Variants in CCNJL observed in about 807,000 individuals in gnomAD.
CCNJL encodes cyclin J like, also known as cyclin-J-like protein.
Under a neutral mutation model 33.4 loss-of-function variants are expected in CCNJL, and 33 were observed. The ratio of observed to expected loss-of-function variants is 0.99; its 90% CI spans 0.75 to 1.32. CCNJL has a LOEUF of 1.32. CCNJL is among the 40% of genes most tolerant of loss of function. The pLI, the probability that CCNJL is intolerant of heterozygous loss-of-function variation, is 0.00. For missense variants in CCNJL, 512 were observed against 499.7 expected (o/e 1.02, Z -0.23); for synonymous variants, 227 against 220.9 (o/e 1.03, Z -0.24).
At position 160,251,573 on chromosome 5, in the gene CCNJL, C is replaced by G. The variant is rs531055050; in HGVS notation, c.*1805G>C. On this transcript the variant is annotated 3_prime_UTR_variant, in exon 6 of 6. Transcript: ENST00000257536. ...CTGCCCCCAATATTCCACCCTCTAC[C>G]ATAGGGAGATGCTCACCAGGGCTGA... 6.6e-6 allele frequency: 1 copy of G among 152,412 alleles called. No individual in the cohort carries two copies. The highest frequency in any genetic ancestry group is 1.5e-5 in the Non-Finnish European group (1 of 68,176). The allele number at this position is 152,412 out of a possible 1,614,324, so 9.4% of individuals were successfully genotyped here.
At chr5:160,273,696 T>C (rs1392012305) in intron 3 of CCNJL, among the ~76,000 whole-genome samples, 2 of 144,690 alleles carry the variant, frequency 1.4e-5, no homozygotes, top group Non-Finnish European at 3.0e-5. Context: ...ATCCAAGCTG[T>C]GGTACAGTGG....
chr5:160,285,880 T>C (rs1185852254), intron 2 of CCNJL, among the ~76,000 whole-genome samples: 1 of 152,252 alleles, frequency 6.6e-6, no homozygotes, highest in East Asian at 1.9e-4. Flanking sequence ...AGCTTCTTCC[T>C]AGGGTAAGGC....
chr5:160,299,672 G>C lies in CCNJL; in HGVS notation c.66+12186C>G, dbSNP rs190965248. Among the ~76,000 whole-genome samples the C allele has an allele frequency of 9.9e-5, 15 of 151,462 alleles. 1 individual carries two copies. The East Asian group carries it at 2.7e-3, about 27-fold the overall frequency. ...TTATGGGTAAAATGACACACTGTCT[G>C]GGGGAGCAGATGAAACAGGTGAGGA... On this transcript the variant is annotated intron_variant, in intron 2 of 5. Transcript: ENST00000257536.
intron 3 of CCNJL, among the ~76,000 whole-genome samples, chr5:160,264,145 G>A (rs1016319389): frequency 2.2e-4 from 33 of 152,070 alleles, no homozygotes; most frequent in African/African-American, 8.0e-4. Context: ...CAGGCTGGTC[G>A]AAATCCTGGG....
At chr5:160,337,005 T>TTC (rs1763691168) in intron 1 of CCNJL, among the ~76,000 whole-genome samples, 1 of 40,586 alleles carries the variant, frequency 2.5e-5, no homozygotes, top group South Asian at 8.5e-4. Context: ...TTTTCTTTCT[T>TTC]TTTTTTTTTT....
At chr5:160,295,592 T>C (rs1056408411) in intron 2 of CCNJL, among the ~76,000 whole-genome samples, 6 of 151,986 alleles carry the variant, frequency 3.9e-5, no homozygotes, top group African/African-American at 1.2e-4. Context: ...TGTGTTCTTA[T>C]AGGAAGAGTA....
intron 1 of CCNJL, among the ~76,000 whole-genome samples, chr5:160,333,933 G>A (rs1763643676): frequency 6.6e-6 from 1 of 152,034 alleles, no homozygotes; most frequent in South Asian, 2.1e-4. Flanking sequence ...TTGCTGTCTT[G>A]GTAGATGATT....
chr5:160,317,253 G>A (rs758364519), upstream of CCNJL, among the ~76,000 whole-genome samples: 7 of 152,178 alleles, frequency 4.6e-5, no homozygotes, highest in Admixed American at 3.9e-4. Flanking sequence ...TGAGAACAAG[G>A]CAGGAAGAAT....
At chr5:160,312,574 G>A (rs1249490462), upstream of CCNJL, 5 of 151,608 alleles carry the variant, frequency 3.3e-5, no homozygotes, top group South Asian at 8.3e-4. Flanking sequence ...CGGCCGCCGG[G>A]GGCCTCCCTC....
At chr5:160,274,097 G>A (rs1761930544) in intron 3 of CCNJL, among the ~76,000 whole-genome samples, 1 of 152,096 alleles carries the variant, frequency 6.6e-6, no homozygotes, top group South Asian at 2.1e-4. Context: ...CTGGGATTGG[G>A]AAAAGGATTT....
At chr5:160,278,141 A>G (rs1194445856) in intron 3 of CCNJL, among the ~76,000 whole-genome samples, 1 of 152,172 alleles carries the variant, frequency 6.6e-6, no homozygotes, top group Non-Finnish European at 1.5e-5. Flanking sequence ...TTCTGACCTC[A>G]GGTTATCCGA....
chr5:160,303,379 T>C (rs1762985276), intron 2 of CCNJL, among the ~76,000 whole-genome samples: 1 of 152,080 alleles, frequency 6.6e-6, no homozygotes. Context: ...CTAATTTTTG[T>C]AGTTTTAGTA....
chr5:160,290,668 T>C (rs746427667), intron 2 of CCNJL, among the ~76,000 whole-genome samples: 1 of 152,040 alleles, frequency 6.6e-6, no homozygotes, highest in Non-Finnish European at 1.5e-5. Flanking sequence ...GCTCTTACTG[T>C]CCTCCTGCCT....
At chr5:160,320,850 C>CTTTCCTTCTTTCTTTCT (rs1491096774) in intron 1 of CCNJL, among the ~76,000 whole-genome samples, 26 of 55,510 alleles carry the variant, frequency 4.7e-4, no homozygotes, top group Non-Finnish European at 8.7e-4. Flanking sequence ...TCTTTCTTTC[C>CTTTCCTTCTTTCTTTCT]TTCTTTCTTT....
chr5:160,339,240 A>G (rs1457753111), intron 1 of CCNJL, among the ~76,000 whole-genome samples: 1 of 133,738 alleles, frequency 7.5e-6, no homozygotes, highest in Non-Finnish European at 1.6e-5. Flanking sequence ...TACTTAAGAA[A>G]TGTGCATATA....
chr5:160,325,152 G>A (rs1763519676), intron 1 of CCNJL, among the ~76,000 whole-genome samples: 1 of 152,182 alleles, frequency 6.6e-6, no homozygotes, highest in African/African-American at 2.4e-5. Flanking sequence ...TAGTTCTTGA[G>A]CTAGAAATTG....
intron 2 of CCNJL, among the ~76,000 whole-genome samples, chr5:160,301,791 A>C (rs1762931084): frequency 6.8e-6 from 1 of 147,572 alleles, no homozygotes; most frequent in Non-Finnish European, 1.5e-5. Flanking sequence ...GTGCAGTGGC[A>C]TGATCTTGGG....
chr5:160,330,149 T>C (rs1763587887), intron 1 of CCNJL, among the ~76,000 whole-genome samples: 1 of 152,180 alleles, frequency 6.6e-6, no homozygotes, highest in Admixed American at 6.5e-5. Context: ...TCCTGAAACC[T>C]GCCACTCTGT....
chr5:160,264,788 T>C (rs1020224103), intron 3 of CCNJL, among the ~76,000 whole-genome samples: 1 of 152,122 alleles, frequency 6.6e-6, no homozygotes, highest in African/African-American at 2.4e-5. Context: ...AGGTGAACAC[T>C]CTGAAGACTG....
Sources: allele counts gnomAD v4.1 joint callset (sites outside exome capture counted in the v4.1 genomes callset), GRCh38; gene constraint gnomAD v4.1.1; transcripts MANE v1.5; gene names NCBI Gene and HGNC (gene_info 2026-07-23, HGNC 2026-07-21).